SP1: variants seen among roughly 807,000 people sequenced by gnomAD.
SP1 encodes Sp1 transcription factor.
In SP1, 6 loss-of-function variants were observed where a neutral mutation model predicts 66.3. That is an observed-to-expected ratio of 0.09 (90% confidence interval 0.05 to 0.18). The LOEUF (loss-of-function observed/expected upper bound fraction) is 0.18, where lower values mean the gene tolerates loss of function less well. SP1 is among the 10% of genes least tolerant of loss of function. SP1 has a pLI of 1.00. For synonymous variants in SP1, 417 were observed against 360.8 expected (o/e 1.16, Z -1.77); for missense variants, 848 against 964.5 (o/e 0.88, Z 1.60).
intron 3 of SP1, among the ~76,000 whole-genome samples, chr12:53,395,892 C>T (rs1431090394): frequency 1.3e-5 from 2 of 151,948 alleles, no homozygotes; most frequent in Admixed American, 6.6e-5. Context: ...GAGGCTGAAG[C>T]GAGTGGATCA....
In SP1 at chr12:53,410,918, T is replaced by G; in HGVS notation, c.2045-9T>G. 1 of 1,602,928 alleles carries G rather than the reference T, an allele frequency of 6.2e-7. No homozygotes were observed. Among genetic ancestry groups the G allele is most frequent in the South Asian group, 1.1e-5 (1 of 90,306 alleles). ...ATGTCAGCTTCTTATCTTTTCTTCC[T>G]TTACCTAGGTGAGAAGAAATTTGCC... On this transcript the variant is annotated splice_polypyrimidine_tract_variant and intron_variant, in intron 5 of 5. Coordinates refer to ENST00000327443, the MANE Select transcript of SP1 (RefSeq NM_138473.3).
intron 3 of SP1, among the ~76,000 whole-genome samples, chr12:53,398,339 G>T (rs1468321125): frequency 6.6e-6 from 1 of 152,152 alleles, no homozygotes; most frequent in African/African-American, 2.4e-5. Flanking sequence ...CTGGAGTGCA[G>T]TGCCATGATC....
chr12:53,400,846 C>T (rs1230912227), intron 3 of SP1, among the ~76,000 whole-genome samples: 4 of 151,308 alleles, frequency 2.6e-5, no homozygotes, highest in African/African-American at 9.7e-5. Context: ...ACTGCAAGCT[C>T]CGCCTCCCAG....
At chr12:53,389,760 ACT>A (rs1353872210) in intron 3 of SP1, among the ~76,000 whole-genome samples, 3 of 151,476 alleles carry the variant, frequency 2.0e-5, no homozygotes, top group Non-Finnish European at 4.4e-5. Context: ...GAATCCTGAA[ACT>A]CTTGCCGCAG....
chr12:53,394,583 CTT>C (rs68013460), intron 3 of SP1, among the ~76,000 whole-genome samples: 1 of 58,006 alleles, frequency 1.7e-5, no homozygotes, highest in Non-Finnish European at 3.6e-5. Context: ...TTCTTTTCTT[CTT>C]TTTTTTTTTT....
rs1357287533 is a variant in SP1, at chr12:53,396,077, G to A, written c.1676-10508G>A. ...GGAGGTTGCAGTGAGCCGAGATCAC[G>A]CCATTGCACTCCAGCCTGGGCGACA... On this transcript the variant is annotated intron_variant, in intron 3 of 5. Transcript: ENST00000327443. Among the ~76,000 whole-genome samples, 7 of 152,014 alleles carry A rather than the reference G, an allele frequency of 4.6e-5. No homozygotes were observed. In the East Asian group the frequency reaches 5.8e-4, roughly 13 times the overall value.
chr12:53,403,580 C>CA (rs1938660589), intron 3 of SP1, among the ~76,000 whole-genome samples: 1 of 151,446 alleles, frequency 6.6e-6, no homozygotes, highest in Non-Finnish European at 1.5e-5. Context: ...ATCTCAAACT[C>CA]CTGGGCTCAA....
At chr12:53,399,694 T>C (rs1452914779) in intron 3 of SP1, among the ~76,000 whole-genome samples, 4 of 150,836 alleles carry the variant, frequency 2.7e-5, no homozygotes, top group Admixed American at 6.7e-5. Context: ...TGGAGTGCAG[T>C]GGCACGATCT....
chr12:53,394,607 CTTTTTTTTTTTT>C (rs71443299), intron 3 of SP1, among the ~76,000 whole-genome samples: 1 of 58,152 alleles, frequency 1.7e-5, no homozygotes, highest in Non-Finnish European at 3.0e-5. Flanking sequence ...GAGATAAGGT[CTTTTTTTTTTTT>C]TTTTTTTTTT....
intron 3 of SP1, among the ~76,000 whole-genome samples, chr12:53,389,365 C>T (rs1368625368): frequency 6.6e-6 from 1 of 151,624 alleles, no homozygotes; most frequent in Non-Finnish European, 1.5e-5. Context: ...CCCACCACCA[C>T]GCCTGGCTAA....
rs552235997 is a variant in SP1 at position 53,397,865 on chromosome 12, T to C, written c.1676-8720T>C. On this transcript the variant is annotated intron_variant, in intron 3 of 5. Coordinates refer to ENST00000327443, the MANE Select transcript of SP1 (RefSeq NM_138473.3). ...CACTGCGCCCGACCGTAGATAATCT[T>C]TTACTTGTATCCTAGTTCATGAAAC... is the stretch of plus-strand genomic sequence containing the variant. Among the ~76,000 whole-genome samples the C allele has an allele frequency of 8.5e-5, 13 of 152,228 alleles. No individual in the cohort carries two copies. The South Asian group carries it at 2.5e-3, about 29-fold the overall frequency.
chr12:53,392,593 G>A (rs35413227), intron 3 of SP1, among the ~76,000 whole-genome samples: 1 of 151,140 alleles, frequency 6.6e-6, no homozygotes, highest in South Asian at 2.1e-4. Context: ...TCCTGACCTC[G>A]TGATCCGCCC....
At chr12:53,388,142 G>A (rs897632267) in intron 3 of SP1, among the ~76,000 whole-genome samples, 4 of 152,090 alleles carry the variant, frequency 2.6e-5, no homozygotes, top group Admixed American at 6.6e-5. Context: ...CCTCTACAAC[G>A]TAGAAAATTA....
At chr12:53,407,530 T>A (rs955103915) in intron 4 of SP1, among the ~76,000 whole-genome samples, 1 of 151,890 alleles carries the variant, frequency 6.6e-6, no homozygotes, top group Admixed American at 6.6e-5. Context: ...TTCACCTTGT[T>A]AGCCAGGATG....
At chr12:53,404,185 G>A (rs1938676091) in intron 3 of SP1, among the ~76,000 whole-genome samples, 1 of 150,398 alleles carries the variant, frequency 6.6e-6, no homozygotes, top group South Asian at 2.1e-4. Flanking sequence ...AAAAAAAAAG[G>A]AAAGAAGTCT....
At chr12:53,409,086 A>C (rs1592573442) in intron 4 of SP1, among the ~76,000 whole-genome samples, 1 of 139,082 alleles carries the variant, frequency 7.2e-6, no homozygotes, top group South Asian at 2.4e-4. Context: ...TTAGCTGGGC[A>C]TGGTGGTGTG....
At chr12:53,406,488 G>T in intron 3 of SP1, 97 bp from the exon 4 acceptor site, 1 of 1,055,066 alleles carries the variant, frequency 9.5e-7, no homozygotes. Flanking sequence ...TAGGATGTCA[G>T]TTCAAAAGAA....
chr12:53,391,701 G>C (rs528022569), intron 3 of SP1, among the ~76,000 whole-genome samples: 40 of 151,130 alleles, frequency 2.6e-4, no homozygotes, highest in African/African-American at 9.5e-4. Context: ...TTGTTACCCG[G>C]GTCCGGTCAT....
At chr12:53,403,382 G>A (rs1445971645) in intron 3 of SP1, among the ~76,000 whole-genome samples, 2 of 151,846 alleles carry the variant, frequency 1.3e-5, no homozygotes, top group African/African-American at 4.8e-5. Flanking sequence ...TTTTTGAGAT[G>A]GGCTCTGTCA....
Sources: gnomAD v4.1 joint callset for allele counts (sites outside exome capture counted in the v4.1 genomes callset) on GRCh38, gnomAD v4.1.1 for gene constraint, MANE v1.5 for transcripts, NCBI Gene and HGNC (gene_info 2026-07-23, HGNC 2026-07-21) for gene names.